The following RNF175 variants were observed in gnomAD, a reference collection of about 807,000 sequenced individuals.
RNF175 encodes ring finger protein 175.
In RNF175, 38 loss-of-function variants were observed where a neutral mutation model predicts 50.0. That is an observed-to-expected ratio of 0.76 (90% CI 0.59 to 1.00). The LOEUF (loss-of-function observed/expected upper bound fraction) is 1.00, where lower values mean the gene tolerates loss of function less well. RNF175 is among the 50% of genes least tolerant of loss of function. RNF175 has a pLI of 0.00. For missense variants in RNF175, 388 were observed against 409.6 expected (o/e 0.95, Z 0.46); for synonymous variants, 155 against 146.1 (o/e 1.06, Z -0.44).
chr4:153,710,347 G>C lies in RNF175; in HGVS notation c.*22C>G, dbSNP rs1737478798. 13 of 1,537,536 alleles carry C rather than the reference G, an allele frequency of 8.5e-6. No homozygotes were observed. The Middle Eastern group carries it at 1.3e-3, about 158-fold the overall frequency. The stretch of plus-strand genomic sequence containing the variant: ...ACCAAGGATTTCAACCATGCAGTAT[G>C]TTGCTTCTGGGGTCTGCTGTCCTAT... On this transcript the variant is annotated 3_prime_UTR_variant, in exon 9 of 9. Transcript: ENST00000347063.
chr4:153,734,852 T>G (rs1019088247), intron 3 of RNF175, among the ~76,000 whole-genome samples: 4 of 151,652 alleles, frequency 2.6e-5, no homozygotes, highest in Non-Finnish European at 5.9e-5. Context: ...ATTTTTTGTA[T>G]TTTTTAGTAG....
At chr4:153,712,067 AG>A (rs1737623608) in intron 8 of RNF175, among the ~76,000 whole-genome samples, 1 of 152,186 alleles carries the variant, frequency 6.6e-6, no homozygotes, top group Admixed American at 6.5e-5. Flanking sequence ...TCTGTACTCT[AG>A]TTCACATTTC....
At chr4:153,720,410 A>ATT (rs200372656) in intron 5 of RNF175, 106 bp from the exon 6 acceptor site, 10 of 767,710 alleles carry the variant, frequency 1.3e-5, no homozygotes, top group African/African-American at 8.9e-5. Context: ...CCTTGTGGGT[A>ATT]TTTTTTTTTT....
intron 4 of RNF175, among the ~76,000 whole-genome samples, chr4:153,725,150 T>A (rs1032412600): frequency 7.9e-5 from 12 of 151,372 alleles, no homozygotes; most frequent in African/African-American, 2.7e-4. Flanking sequence ...AGGGGTGAGT[T>A]AAGTGGAGAC....
At chr4:153,729,050 T>G (rs1340223349) in intron 3 of RNF175, among the ~76,000 whole-genome samples, 2 of 152,206 alleles carry the variant, frequency 1.3e-5, no homozygotes, top group Admixed American at 6.5e-5. Flanking sequence ...CAGAGTGAAC[T>G]GACTGTCTGT....
intron 3 of RNF175, among the ~76,000 whole-genome samples, chr4:153,743,843 A>T (rs1739817822): frequency 1.3e-5 from 2 of 152,190 alleles, no homozygotes; most frequent in African/African-American, 4.8e-5. Flanking sequence ...TAGCAACAGG[A>T]AACAACTCAG....
intron 2 of RNF175, among the ~76,000 whole-genome samples, chr4:153,750,136 T>C (rs1169459979): frequency 6.6e-6 from 1 of 152,206 alleles, no homozygotes; most frequent in African/African-American, 2.4e-5. Context: ...ACTTTCTAAA[T>C]ACTGGTTATC....
chr4:153,715,962 G>T (rs1373499920), intron 6 of RNF175, among the ~76,000 whole-genome samples: 1 of 151,614 alleles, frequency 6.6e-6, no homozygotes, highest in Non-Finnish European at 1.5e-5. Context: ...TACTCGGGAG[G>T]CTGAGGCAGG....
intron 3 of RNF175, among the ~76,000 whole-genome samples, chr4:153,746,411 C>G (rs905935754): frequency 6.6e-6 from 1 of 152,262 alleles, no homozygotes; most frequent in African/African-American, 2.4e-5. Context: ...CCACACAACT[C>G]TCACAGGTTA....
chr4:153,720,126 G>C, intron 6 of RNF175, 58 bp downstream of exon 6: 1 of 1,573,578 alleles, frequency 6.4e-7, no homozygotes, highest in South Asian at 1.1e-5. Flanking sequence ...AGACATGTAA[G>C]ATGAGACCAT....
At chr4:153,729,508 AAG>A (rs2127125546) in intron 3 of RNF175, among the ~76,000 whole-genome samples, 1 of 152,350 alleles carries the variant, frequency 6.6e-6, no homozygotes, top group South Asian at 2.1e-4. Context: ...CTTAGAACAA[AAG>A]AGTCTATGGA....
intron 6 of RNF175, among the ~76,000 whole-genome samples, 180 bp from the exon 7 acceptor site, chr4:153,715,842 T>C (rs982218344): frequency 3.9e-5 from 6 of 152,094 alleles, no homozygotes; most frequent in Non-Finnish European, 8.8e-5. Context: ...GGCAGGTGGA[T>C]CACAAGGTCA....
intron 3 of RNF175, among the ~76,000 whole-genome samples, chr4:153,745,116 A>AGT (rs1739899460): frequency 1.3e-5 from 2 of 152,308 alleles, no homozygotes; most frequent in East Asian, 3.9e-4. Flanking sequence ...AGAACCATGT[A>AGT]GTGTTAACTG....
Position 153,728,246 on chromosome 4 carries a change from A to T in RNF175, c.362T>A (p.Phe121Tyr), listed in dbSNP as rs1319156443. Residue 121 changes from phenylalanine (F) to tyrosine (Y), a missense_variant, in exon 4 of 9, where the codon TTC (phenylalanine) becomes TAC (tyrosine). Transcript: ENST00000347063. ...TGAGAGGGGTTTTCGGGTAGCTCTG[A>T]AGAGGATGTAACTGGTAATAACGGA... The part of the protein sequence containing the change: ...MFSVITSYIL[F>Y]RATRKPLSGR... 6.2e-7 allele frequency: 1 copy of T among 1,613,676 alleles called. No homozygotes were observed. The highest frequency in any genetic ancestry group is 1.3e-5 in the African/African-American group (1 of 74,920).
Position 153,715,528 on chromosome 4 carries a change from C to T in RNF175, c.764+1G>A, listed in dbSNP as rs758997918. On this transcript the variant is annotated splice_donor_variant, in intron 7 of 8. Transcript: ENST00000347063. LOFTEE classifies it high-confidence loss of function. ...CAAACAATTTCCTTTGAAAAGGATACACATGATTACAGGAAAGCTGGTAGG... is the reference window on the plus strand; with the variant it reads ...CAAACAATTTCCTTTGAAAAGGATATACATGATTACAGGAAAGCTGGTAGG... The T allele has an allele frequency of 1.9e-6, 3 of 1,584,490 alleles. No individual in the cohort carries two copies. Among genetic ancestry groups the T allele is most frequent in the Non-Finnish European group, 2.6e-6 (3 of 1,164,918 alleles).
At chr4:153,735,567 C>G (rs1333743161) in intron 3 of RNF175, among the ~76,000 whole-genome samples, 1 of 152,132 alleles carries the variant, frequency 6.6e-6, no homozygotes, top group Non-Finnish European at 1.5e-5. Context: ...AAGTACCTTG[C>G]TGAGATTTTA....
At chr4:153,733,639 A>G (rs1261260183) in intron 3 of RNF175, among the ~76,000 whole-genome samples, 1 of 152,162 alleles carries the variant, frequency 6.6e-6, no homozygotes, top group Non-Finnish European at 1.5e-5. Context: ...TCTACCCTTC[A>G]GTGAGGTTGT....
At chr4:153,726,108 GT>G (rs1738684845) in intron 4 of RNF175, among the ~76,000 whole-genome samples, 1 of 151,328 alleles carries the variant, frequency 6.6e-6, no homozygotes, top group Non-Finnish European at 1.5e-5. Flanking sequence ...TTTTGTTTTT[GT>G]TTTGTTTTGT....
intron 5 of RNF175, among the ~76,000 whole-genome samples, chr4:153,721,891 G>A (rs1383298223): frequency 6.6e-6 from 1 of 152,138 alleles, no homozygotes; most frequent in African/African-American, 2.4e-5. Context: ...AGCAATAATA[G>A]ATTTGTACAA....
Sources: gnomAD v4.1 joint callset for allele counts (sites outside exome capture counted in the v4.1 genomes callset) on GRCh38, gnomAD v4.1.1 for gene constraint, MANE v1.5 for transcripts, NCBI Gene and HGNC (gene_info 2026-07-23, HGNC 2026-07-21) for gene names.